Variants in NDUFS1 observed in about 807,000 individuals in gnomAD.
NDUFS1 encodes the protein NADH-ubiquinone oxidoreductase 75 kDa subunit, mitochondrial.
Under a neutral mutation model 84.4 loss-of-function variants are expected in NDUFS1, and 61 were observed. The observed-to-expected ratio is 0.72, with a 90% CI of 0.59 to 0.89. The LOEUF (loss-of-function observed/expected upper bound fraction) is 0.89. Ranked by LOEUF, NDUFS1 falls within the 40% of genes least tolerant of loss-of-function variation. The pLI, the probability that NDUFS1 is intolerant of heterozygous loss-of-function variation, is 0.00. For synonymous variants in NDUFS1, 275 were observed against 290.0 expected (o/e 0.95, Z 0.53); for missense variants, 891 against 890.0 (o/e 1.00, Z -0.01).
chr2:206,133,017 G>C lies in NDUFS1; in HGVS notation c.1481C>G (p.Ser494Cys). 1 of 1,613,620 alleles carries C rather than the reference G, an allele frequency of 6.2e-7. No individual in the cohort carries two copies. The highest frequency in any genetic ancestry group is 8.5e-7 in the Non-Finnish European group (1 of 1,179,796). Residue 494 changes from serine to cysteine, a missense_variant, in exon 14 of 19, where the codon TCT (serine) becomes TGT (cysteine). Transcript: ENST00000233190. ...CATCCGAATCTTTTGTGCAATGCTA[G>C]AAACAGCTGCAAGAATTGCTGCTCC... ...NDGAAILAAV[S>C]SIAQKIRMTS...
intron 12 of NDUFS1, among the ~76,000 whole-genome samples, 189 bp from the exon 13 acceptor site, chr2:206,138,803 G>A (rs1691823276): frequency 6.6e-6 from 1 of 152,190 alleles, no homozygotes; most frequent in Admixed American, 6.5e-5. Flanking sequence ...GCAATTCAGT[G>A]ATTTAATTTG....
Position 206,142,777 on chromosome 2 carries a change from C to T in NDUFS1, c.1042G>A (p.Ala348Thr). ...TCTTTGAGAGCTACCAGGGCTTCAG[C>T]ATCCACCAAGCCACCTGCAATTGCT... ...VAAIAGGLVD[A>T]EALVALKDLL... is the part of the protein sequence containing the mutation. Residue 348 changes from alanine to threonine, a missense_variant, in exon 11 of 19, where the codon GCT becomes ACT. Transcript: ENST00000233190. 6.2e-7 allele frequency: 1 copy of T among 1,614,206 alleles called. No individual in the cohort carries two copies. Among genetic ancestry groups the T allele is most frequent in the Non-Finnish European group, 8.5e-7 (1 of 1,180,032 alleles).
chr2:206,156,981 A>G (rs1173332354), intron 1 of NDUFS1, among the ~76,000 whole-genome samples: 2 of 152,236 alleles, frequency 1.3e-5, no homozygotes, highest in African/African-American at 2.4e-5. Flanking sequence ...GTTTTGAGAC[A>G]GAGTCTCACT....
intron 2 of NDUFS1, 29 bp from the exon 3 acceptor site, chr2:206,152,539 A>G: frequency 1.3e-6 from 2 of 1,577,612 alleles, no homozygotes; most frequent in Non-Finnish European, 1.7e-6. Flanking sequence ...GAAGCGAAAA[A>G]CAGATTAACA....
At chr2:206,157,993 TC>T (rs557827671) in intron 1 of NDUFS1, among the ~76,000 whole-genome samples, 331 of 137,170 alleles carry the variant, frequency 2.4e-3, no homozygotes, top group Non-Finnish European at 3.1e-3. Context: ...AGACAGAGTC[TC>T]GCTCTGTCGC....
chr2:206,140,761 G>A (rs1038990393), intron 12 of NDUFS1, among the ~76,000 whole-genome samples: 4 of 151,970 alleles, frequency 2.6e-5, no homozygotes, highest in Admixed American at 2.0e-4. Flanking sequence ...CTACAAGCGT[G>A]AGCCACCACG....
At position 206,117,686 on chromosome 2, in the gene NDUFS1, C is replaced by G. The variant is rs1690988415; in HGVS notation, c.*6499G>C. 1 of 152,176 alleles carries G rather than the reference C, an allele frequency of 6.6e-6. No homozygotes were observed. Among genetic ancestry groups the G allele is most frequent in the African/African-American group, 2.4e-5 (1 of 41,432 alleles). The allele number at this position is 152,176 out of a possible 1,614,324, so 9.4% of individuals were successfully genotyped here. On this transcript the variant is annotated 3_prime_UTR_variant, in exon 19 of 19. Coordinates refer to ENST00000233190, the MANE Select transcript of NDUFS1 (RefSeq NM_005006.7). ...CTGGCCTTATGAGAGCCACCGCACC[C>G]AGCTGATACTCTGCAAATGTTTAAT...
At chr2:206,141,334 G>A (rs1243414306) in intron 12 of NDUFS1, among the ~76,000 whole-genome samples, 2 of 151,264 alleles carry the variant, frequency 1.3e-5, no homozygotes, top group African/African-American at 4.9e-5. Flanking sequence ...CACAAGGTCA[G>A]GAGATCGAGA....
chr2:206,140,623 GGCATGC>G (rs1691899990), intron 12 of NDUFS1, among the ~76,000 whole-genome samples: 1 of 151,886 alleles, frequency 6.6e-6, no homozygotes. Context: ...TGGGATTACA[GGCATGC>G]GCCACCATGC....
At chr2:206,131,257 T>C (rs1231715629) in intron 14 of NDUFS1, among the ~76,000 whole-genome samples, 1 of 152,182 alleles carries the variant, frequency 6.6e-6, no homozygotes, top group Non-Finnish European at 1.5e-5. Flanking sequence ...AGTGCAAAGG[T>C]ATCTGTGAAT....
chr2:206,137,004 C>T (rs1422251152), intron 13 of NDUFS1, among the ~76,000 whole-genome samples: 1 of 149,884 alleles, frequency 6.7e-6, no homozygotes, highest in Non-Finnish European at 1.5e-5. Context: ...CCACCCACCT[C>T]AGCCTCCCAA....
chr2:206,153,634 C>G lies in NDUFS1; in HGVS notation c.45G>C (p.Lys15Asn). The G allele has an allele frequency of 6.5e-7, 1 of 1,547,104 alleles. No homozygotes were observed. Among genetic ancestry groups the G allele is most frequent in the Admixed American group, 1.7e-5 (1 of 59,504 alleles). The change falls in exon 2 of 19, where the codon AAG (lysine) becomes AAC (asparagine). Residue 15 changes from lysine to asparagine, a missense_variant. Coordinates refer to ENST00000233190, the MANE Select transcript of NDUFS1 (RefSeq NM_005006.7). ...PVRKALVGLS[K>N]SPKGCVRTTA... ...AATACTCACCACATCCTTTAGGAGACTTAGAAAGGCCTACTAAGGCCTTTC... is the reference window on the plus strand; with the variant it reads ...AATACTCACCACATCCTTTAGGAGAGTTAGAAAGGCCTACTAAGGCCTTTC...
chr2:206,153,295 A>G (rs1306690959), intron 2 of NDUFS1, among the ~76,000 whole-genome samples: 1 of 150,970 alleles, frequency 6.6e-6, no homozygotes, highest in Non-Finnish European at 1.5e-5. Flanking sequence ...TCCCGGGTTT[A>G]AGCTATTCTT....
chr2:206,156,045 C>T (rs1258921706), intron 1 of NDUFS1, among the ~76,000 whole-genome samples: 2 of 151,290 alleles, frequency 1.3e-5, no homozygotes, highest in Admixed American at 6.6e-5. Flanking sequence ...AGGTGGATCA[C>T]GAGGTCAAGA....
At chr2:206,150,850 G>A (rs533668949) in intron 3 of NDUFS1, among the ~76,000 whole-genome samples, 3 of 151,772 alleles carry the variant, frequency 2.0e-5, no homozygotes, top group South Asian at 4.2e-4. Context: ...GAATTCCTCC[G>A]GTCTCTTTGA....
chr2:206,139,343 G>A (rs376105004), intron 12 of NDUFS1, among the ~76,000 whole-genome samples: 3 of 151,578 alleles, frequency 2.0e-5, no homozygotes, highest in South Asian at 2.1e-4. Flanking sequence ...CTGCCTCTAC[G>A]CCCAGCTAAT....
At chr2:206,144,579 T>C (rs1490433926) in intron 9 of NDUFS1, among the ~76,000 whole-genome samples, 1 of 152,210 alleles carries the variant, frequency 6.6e-6, no homozygotes, top group Admixed American at 6.5e-5. Flanking sequence ...AGTGCTGGGA[T>C]TACAGGTGTG....
chr2:206,125,674 A>T (rs1408214748), intron 18 of NDUFS1, among the ~76,000 whole-genome samples: 1 of 151,240 alleles, frequency 6.6e-6, no homozygotes, highest in African/African-American at 2.4e-5. Flanking sequence ...AAAAACTTTT[A>T]GGTTCAGGGG....
At chr2:206,135,504 C>A (rs1351803307) in intron 13 of NDUFS1, among the ~76,000 whole-genome samples, 2 of 151,618 alleles carry the variant, frequency 1.3e-5, no homozygotes, top group African/African-American at 4.8e-5. Context: ...GAAACCCTGT[C>A]TCTACTAAAA....
Sources: gnomAD v4.1 joint callset for allele counts (sites outside exome capture counted in the v4.1 genomes callset) on GRCh38, gnomAD v4.1.1 for gene constraint, MANE v1.5 for transcripts, NCBI Gene and HGNC (gene_info 2026-07-23, HGNC 2026-07-21) for gene names.